KANK1: variants seen among roughly 807,000 people sequenced by gnomAD.
KANK1 encodes the protein KN motif and ankyrin repeat domain-containing protein 1.
A neutral mutation model predicts 106.2 loss-of-function variants in KANK1; 109 were observed. The observed-to-expected ratio is 1.03, with a 90% CI of 0.88 to 1.20. KANK1 has a LOEUF of 1.20. KANK1 is among the 50% of genes most tolerant of loss of function. The pLI, the probability that KANK1 is intolerant of heterozygous loss-of-function variation, is 0.00. For missense variants in KANK1, 2,399 were observed against 1,710.7 expected (o/e 1.40, Z -7.10); for synonymous variants, 873 against 652.2 (o/e 1.34, Z -5.16).
At chr9:483,196 A>G (rs779289504) in intron 3 of KANK1, among the ~76,000 whole-genome samples, 1 of 152,214 alleles carries the variant, frequency 6.6e-6, no homozygotes, top group Non-Finnish European at 1.5e-5. Context: ...CATAGTATAT[A>G]GAGGGTTCAG....
At chr9:581,069 G>C (rs530615514) in intron 1 of KANK1, among the ~76,000 whole-genome samples, 4 of 152,226 alleles carry the variant, frequency 2.6e-5, no homozygotes, top group African/African-American at 7.2e-5. Context: ...GGCCCGCCGA[G>C]CCCACACCTA....
chr9:743,729 G>GT (rs1836362502), intron 10 of KANK1, among the ~76,000 whole-genome samples: 1 of 152,132 alleles, frequency 6.6e-6, no homozygotes, highest in Admixed American at 6.5e-5. Flanking sequence ...AGGTGTGGTG[G>GT]TATGCACCTG....
chr9:691,899 G>A (rs949072802), intron 2 of KANK1, among the ~76,000 whole-genome samples: 1 of 151,368 alleles, frequency 6.6e-6, no homozygotes, highest in Non-Finnish European at 1.5e-5. Flanking sequence ...TTACACGCAT[G>A]AGCCACCATG....
chr9:629,041 C>T lies in KANK1; in HGVS notation c.-83-47849C>T, dbSNP rs542081277. Among the ~76,000 whole-genome samples, 41 of 149,304 alleles carry T rather than the reference C, an allele frequency of 2.7e-4. No homozygotes were observed. The Middle Eastern group carries it at 0.01, about 37-fold the overall frequency. ...TTGCAGTGAGCCAAGATCATGCCAC[C>T]GCACTCCAGCCTGGGCAACAGGGCA... On this transcript the variant is annotated intron_variant, in intron 1 of 11. Coordinates refer to ENST00000382297, the MANE Select transcript of KANK1 (RefSeq NM_015158.5).
At chr9:525,350 CGTGTGTGTGTGTGT>C (rs35296364) in intron 1 of KANK1, among the ~76,000 whole-genome samples, 2 of 140,462 alleles carry the variant, frequency 1.4e-5, no homozygotes, top group Admixed American at 7.1e-5. Flanking sequence ...TGTATACATA[CGTGTGTGTGTGTGT>C]GTGTGTGTGT....
intron 3 of KANK1, among the ~76,000 whole-genome samples, chr9:481,983 C>G (rs533160673): frequency 5.4e-4 from 82 of 152,294 alleles, no homozygotes; most frequent in African/African-American, 1.9e-3. Flanking sequence ...AACCTCTCAA[C>G]TTCTTCCTCA....
intron 1 of KANK1, among the ~76,000 whole-genome samples, chr9:564,423 A>G (rs1817306257): frequency 6.6e-6 from 1 of 152,166 alleles, no homozygotes; most frequent in African/African-American, 2.4e-5. Flanking sequence ...ACACCCTTAT[A>G]CATACAAAAC....
intron 1 of KANK1, among the ~76,000 whole-genome samples, chr9:654,045 G>A (rs950081155): frequency 6.6e-6 from 1 of 152,166 alleles, no homozygotes; most frequent in African/African-American, 2.4e-5. Context: ...GACACAAACT[G>A]AGGCTGAAAT....
intron 1 of KANK1, among the ~76,000 whole-genome samples, chr9:543,590 G>C (rs7048037): frequency 0.49 from 72,982 of 149,998 alleles, 20,776 homozygotes; most frequent in East Asian, 0.79. Flanking sequence ...TTGAAAATCC[G>C]CAAGCTTCAG....
intron 1 of KANK1, among the ~76,000 whole-genome samples, chr9:633,024 G>C (rs1486077901): frequency 3.3e-5 from 5 of 152,102 alleles, no homozygotes; most frequent in Non-Finnish European, 7.4e-5. Context: ...AAGCAAAACG[G>C]CAGAGGTAAC....
intron 1 of KANK1, among the ~76,000 whole-genome samples, chr9:667,099 T>G (rs2138389606): frequency 6.6e-6 from 1 of 151,370 alleles, no homozygotes; most frequent in East Asian, 1.9e-4. Context: ...GATAGGAGAG[T>G]TTTAATTATA....
chr9:474,079 CTATT>C (rs1306950877), intron 3 of KANK1, among the ~76,000 whole-genome samples: 1 of 152,174 alleles, frequency 6.6e-6, no homozygotes, highest in Non-Finnish European at 1.5e-5. Flanking sequence ...GAAATACTAT[CTATT>C]TATAATATTC....
At chr9:695,739 C>G (rs1821104121) in intron 2 of KANK1, among the ~76,000 whole-genome samples, 1 of 152,100 alleles carries the variant, frequency 6.6e-6, no homozygotes, top group African/African-American at 2.4e-5. Flanking sequence ...ACCCATTGTT[C>G]TAAGTGACAA....
rs73376603 is a variant in KANK1 at position 738,786 on chromosome 9, G to C, written c.3553+282G>C. Among the ~76,000 whole-genome samples, 564 of 152,308 alleles carry C rather than the reference G, an allele frequency of 3.7e-3. 4 individuals carry two copies. Among genetic ancestry groups the C allele is most frequent in the African/African-American group, 0.013 (521 of 41,552 alleles). ...TTCAAAAGTGAGAGGTGTATGCCTG[G>C]TAAGAAGCATGTCTCACGTTCCCTC... On this transcript the variant is annotated intron_variant, in intron 8 of 11. Transcript: ENST00000382297.
intron 1 of KANK1, among the ~76,000 whole-genome samples, chr9:613,424 C>G (rs1325584438): frequency 6.6e-6 from 1 of 151,958 alleles, no homozygotes; most frequent in East Asian, 1.9e-4. Context: ...GCTTTGAATG[C>G]AGCCCAACAC....
At chr9:649,635 T>C (rs559256962) in intron 1 of KANK1, among the ~76,000 whole-genome samples, 154 of 152,330 alleles carry the variant, frequency 1.0e-3, no homozygotes, top group Non-Finnish European at 1.6e-3. Context: ...AACAGTAGCT[T>C]TGACACTTCA....
In KANK1 at chr9:740,779, T is replaced by C. The variant is rs758072267; in HGVS notation, c.3554-13T>C. ...CTGCTTCCTAAGAGACTTTTTTTTT[T>C]TTTTTTTTACAGATGTGTGTAATGT... On this transcript the variant is annotated splice_polypyrimidine_tract_variant and intron_variant, in intron 8 of 11. Coordinates refer to ENST00000382297, the MANE Select transcript of KANK1 (RefSeq NM_015158.5). 1.9e-6 allele frequency: 3 copies of C among 1,584,470 alleles called. No homozygotes were observed. The highest frequency in any genetic ancestry group is 2.6e-6 in the Non-Finnish European group (3 of 1,171,752).
At chr9:589,399 C>G (rs1346735581) in intron 1 of KANK1, among the ~76,000 whole-genome samples, 1 of 151,466 alleles carries the variant, frequency 6.6e-6, no homozygotes, top group African/African-American at 2.4e-5. Context: ...TGTAGATGCC[C>G]AGGTCTGGAG....
chr9:538,036 C>G (rs956216718), intron 1 of KANK1, among the ~76,000 whole-genome samples: 1 of 151,952 alleles, frequency 6.6e-6, no homozygotes, highest in African/African-American at 2.4e-5. Flanking sequence ...AGCTATTCAT[C>G]CTTTTTTTTT....
Sources: gnomAD v4.1 joint callset for allele counts (sites outside exome capture counted in the v4.1 genomes callset) on GRCh38, gnomAD v4.1.1 for gene constraint, MANE v1.5 for transcripts, NCBI Gene and HGNC (gene_info 2026-07-23, HGNC 2026-07-21) for gene names.